Variants in WDR89 observed in about 807,000 individuals in gnomAD.
WDR89 encodes the protein WD repeat-containing protein 89.
A neutral mutation model predicts 29.1 loss-of-function variants in WDR89; 17 were observed. The ratio of observed to expected loss-of-function variants is 0.58; its 90% CI spans 0.40 to 0.88. The LOEUF (loss-of-function observed/expected upper bound fraction) is 0.88, where lower values mean the gene tolerates loss of function less well. WDR89 is among the 40% of genes least tolerant of loss of function. The pLI, the probability that WDR89 is intolerant of heterozygous loss-of-function variation, is 0.00. For missense variants in WDR89, 396 were observed against 456.3 expected, an observed-to-expected ratio of 0.87 and a Z score of 1.20; for synonymous variants, 138 against 157.8, an observed-to-expected ratio of 0.87 and a Z score of 0.94.
intron 2 of WDR89, among the ~76,000 whole-genome samples, chr14:63,611,589 T>TA (rs1447186472): frequency 6.6e-6 from 1 of 152,076 alleles, no homozygotes; most frequent in East Asian, 1.9e-4. Context: ...GTTAATTTCT[T>TA]AGTTTTGACA....
chr14:63,619,657 T>G (rs1882550347), intron 2 of WDR89, among the ~76,000 whole-genome samples: 2 of 151,902 alleles, frequency 1.3e-5, no homozygotes, highest in African/African-American at 4.8e-5. Context: ...TTGGCAAAAA[T>G]GTAAAGAAAC....
At chr14:63,626,676 C>CAAAAAAAAAA (rs35582220) in intron 1 of WDR89, among the ~76,000 whole-genome samples, 3 of 34,586 alleles carry the variant, frequency 8.7e-5, no homozygotes, top group African/African-American at 2.3e-4. Context: ...GAGACTGTCT[C>CAAAAAAAAAA]AAAAAAAAAA....
At chr14:63,638,468 C>G (rs565147775) in intron 1 of WDR89, among the ~76,000 whole-genome samples, 1 of 152,182 alleles carries the variant, frequency 6.6e-6, no homozygotes, top group Non-Finnish European at 1.5e-5. Context: ...ACAGAATAAA[C>G]AGTCTTTTCT....
intron 2 of WDR89, among the ~76,000 whole-genome samples, chr14:63,610,697 C>G (rs372385028): frequency 7.0e-6 from 1 of 143,350 alleles, no homozygotes; most frequent in African/African-American, 2.6e-5. Flanking sequence ...CTTTTCTTTT[C>G]TTTTCTTTTT....
intron 1 of WDR89, among the ~76,000 whole-genome samples, chr14:63,636,374 C>A (rs1883739550): frequency 6.6e-6 from 1 of 152,164 alleles, no homozygotes; most frequent in Admixed American, 6.6e-5. Context: ...CAATCCCCAT[C>A]AAAATACCAC....
At chr14:63,630,424 C>T (rs557550709) in intron 1 of WDR89, among the ~76,000 whole-genome samples, 5 of 151,166 alleles carry the variant, frequency 3.3e-5, no homozygotes, top group South Asian at 2.1e-4. Context: ...GGGAGGATCA[C>T]CTGAGGTCAG....
At chr14:63,623,771 G>A (rs1882863881) in intron 2 of WDR89, among the ~76,000 whole-genome samples, 1 of 142,102 alleles carries the variant, frequency 7.0e-6, no homozygotes, top group Non-Finnish European at 1.5e-5. Flanking sequence ...AAAATAATAT[G>A]ACACCTTATT....
intron 1 of WDR89, among the ~76,000 whole-genome samples, chr14:63,639,646 T>C (rs1343572275): frequency 6.6e-6 from 1 of 152,198 alleles, no homozygotes; most frequent in Non-Finnish European, 1.5e-5. Flanking sequence ...ATCAAAATTC[T>C]CTTGTATTTT....
At chr14:63,620,013 A>G (rs1882587484) in intron 2 of WDR89, among the ~76,000 whole-genome samples, 2 of 151,664 alleles carry the variant, frequency 1.3e-5, no homozygotes, top group African/African-American at 4.8e-5. Flanking sequence ...TCAAAAAAAA[A>G]AAAAAAAAAA....
chr14:63,634,038 C>T (rs1883574403), intron 1 of WDR89, among the ~76,000 whole-genome samples: 3 of 152,192 alleles, frequency 2.0e-5, no homozygotes, highest in Admixed American at 2.0e-4. Context: ...TGTAAAAAAT[C>T]ATCAGGACAT....
At chr14:63,622,129 T>C (rs984922899) in intron 2 of WDR89, among the ~76,000 whole-genome samples, 4 of 152,250 alleles carry the variant, frequency 2.6e-5, no homozygotes, top group African/African-American at 9.6e-5. Flanking sequence ...AAGGGATTTA[T>C]GACAGGTCAA....
At chr14:63,638,916 G>T (rs577030262) in intron 1 of WDR89, among the ~76,000 whole-genome samples, 1 of 152,114 alleles carries the variant, frequency 6.6e-6, no homozygotes, top group Admixed American at 6.5e-5. Flanking sequence ...ATGACAAAAG[G>T]GACTTTACAA....
At chr14:63,626,237 A>G (rs1185004152) in intron 1 of WDR89, among the ~76,000 whole-genome samples, 1 of 152,196 alleles carries the variant, frequency 6.6e-6, no homozygotes, top group Non-Finnish European at 1.5e-5. Context: ...TAAAATTGAA[A>G]TTGGAAGAAA....
intron 2 of WDR89, among the ~76,000 whole-genome samples, chr14:63,603,647 T>C (rs1478851714): frequency 6.6e-6 from 1 of 152,236 alleles, no homozygotes; most frequent in Non-Finnish European, 1.5e-5. Flanking sequence ...TGCTTTTTGA[T>C]GCTCAAAGTG....
chr14:63,600,078 C>T, intron 2 of WDR89, 105 bp from the exon 3 acceptor site: 2 of 598,582 alleles, frequency 3.3e-6, no homozygotes. Context: ...AAATCAAGAA[C>T]ATTTTCCTCT....
chr14:63,627,772 A>C (rs1194012152), intron 1 of WDR89, among the ~76,000 whole-genome samples: 1 of 152,156 alleles, frequency 6.6e-6, no homozygotes, highest in Admixed American at 6.5e-5. Flanking sequence ...AGTATCACTG[A>C]ATTAAATTTC....
In WDR89 at chr14:63,599,460, T is replaced by C. The variant is rs773965034; in HGVS notation, c.483A>G (p.Ser161=). The part of the protein sequence containing the change: ...NSQNLSTTKD[S]LGAYSETHSD... ...TATGTGTCTCTGAATATGCACCAAG[T>C]GAGTCTTTAGTTGTAGATAAATTCT... Residue 161 remains serine (S), a synonymous_variant, in exon 3 of 3, where the codon TCA becomes TCG. Transcript: ENST00000620954. The C allele has an allele frequency of 6.2e-7, 1 of 1,614,204 alleles. No individual in the cohort carries two copies. The highest frequency in any genetic ancestry group is 8.5e-7 in the Non-Finnish European group (1 of 1,180,030).
At position 63,599,675 on chromosome 14, in the gene WDR89, T is replaced by A; in HGVS notation, c.268A>T (p.Thr90Ser). The change falls in exon 3 of 3, where the codon ACT (threonine) becomes TCT (serine). Residue 90 changes from threonine to serine, a missense_variant. Physicochemically the swap from Thr to Ser is moderately conservative, Grantham distance 58. Transcript: ENST00000620954. ...NSCDSVYSAC[T>S]DGTVKCWDAR... ...TCCCAGCATTTCACAGTGCCATCAG[T>A]ACATGCTGAATATACACTGTCACAG... 7.4e-6 allele frequency: 12 copies of A among 1,614,226 alleles called. No individual in the cohort carries two copies. Among genetic ancestry groups the A allele is most frequent in the Non-Finnish European group, 1.0e-5 (12 of 1,180,038 alleles).
At chr14:63,620,018 A>G (rs1281608297) in intron 2 of WDR89, among the ~76,000 whole-genome samples, 3 of 151,524 alleles carry the variant, frequency 2.0e-5, no homozygotes, top group South Asian at 2.1e-4. Flanking sequence ...AAAAAAAAAA[A>G]AAAAAAGAAA....
Sources: allele counts gnomAD v4.1 joint callset (sites outside exome capture counted in the v4.1 genomes callset), GRCh38; gene constraint gnomAD v4.1.1; transcripts MANE v1.5; gene names NCBI Gene and HGNC (gene_info 2026-07-23, HGNC 2026-07-21).